Variants in SMAP1 observed in about 807,000 individuals in gnomAD.
SMAP1 encodes the protein small ArfGAP 1, also known as stromal membrane-associated protein 1.
SMAP1 carries 24 observed loss-of-function variants against 58.5 expected under a neutral mutation model. The observed-to-expected ratio is 0.41, with a 90% CI of 0.30 to 0.58. SMAP1 has a LOEUF of 0.58. SMAP1 is among the 20% of genes least tolerant of loss of function. SMAP1 has a pLI of 0.29. For synonymous variants in SMAP1, 216 were observed against 196.6 expected, an observed-to-expected ratio of 1.10 and a Z score of -0.82; for missense variants, 563 against 566.3, an observed-to-expected ratio of 0.99 and a Z score of 0.06.
chr6:70,856,097 T>C (rs1026127385), intron 8 of SMAP1, among the ~76,000 whole-genome samples: 1 of 152,210 alleles, frequency 6.6e-6, no homozygotes, highest in Non-Finnish European at 1.5e-5. Context: ...TCTTTGAAAC[T>C]CTCTTCATAT....
At chr6:70,771,062 C>T (rs865891667) in intron 3 of SMAP1, among the ~76,000 whole-genome samples, 4 of 152,132 alleles carry the variant, frequency 2.6e-5, no homozygotes, top group South Asian at 2.1e-4. Context: ...TACAGGACAG[C>T]GGATTTTCGT....
intron 1 of SMAP1, among the ~76,000 whole-genome samples, chr6:70,691,517 C>G (rs573540107): frequency 1.3e-5 from 2 of 151,758 alleles, no homozygotes; most frequent in Non-Finnish European, 2.9e-5. Flanking sequence ...CTGTAATCAC[C>G]CTGTTGTGTT....
intron 7 of SMAP1, 99 bp downstream of exon 7, chr6:70,837,127 G>A (rs920102994): frequency 8.3e-5 from 65 of 783,082 alleles, no homozygotes; most frequent in Non-Finnish European, 1.1e-4. Context: ...ATGCCAAAAC[G>A]TACCTGTTAA....
chr6:70,787,986 A>G (rs1176888871), intron 4 of SMAP1, among the ~76,000 whole-genome samples: 1 of 152,156 alleles, frequency 6.6e-6, no homozygotes. Flanking sequence ...TGCTACTATA[A>G]AGACACGTGC....
At chr6:70,702,041 T>C (rs1767650496) in intron 1 of SMAP1, among the ~76,000 whole-genome samples, 1 of 152,238 alleles carries the variant, frequency 6.6e-6, no homozygotes, top group South Asian at 2.1e-4. Context: ...TAAGATATTT[T>C]GCTGTTTGTG....
At chr6:70,729,152 G>T (rs1298391450) in intron 1 of SMAP1, among the ~76,000 whole-genome samples, 1 of 151,968 alleles carries the variant, frequency 6.6e-6, no homozygotes, top group African/African-American at 2.4e-5. Context: ...TTAAAAGAAG[G>T]TGTGAGGCTG....
chr6:70,861,768 G>C lies in SMAP1; in HGVS notation c.*1434G>C. 2 of 1,614,054 alleles carry C rather than the reference G, an allele frequency of 1.2e-6. No homozygotes were observed. The highest frequency in any genetic ancestry group is 1.7e-6 in the Non-Finnish European group (2 of 1,179,946). ...CGAGAACCTGAAGGGGAAGGAAATA[G>C]CTTGGGTAGCGCACTCTTCATGGTG... On this transcript the variant is annotated 3_prime_UTR_variant, in exon 11 of 11. Transcript: ENST00000370455.
intron 6 of SMAP1, among the ~76,000 whole-genome samples, chr6:70,812,369 G>T (rs1374456771): frequency 6.6e-6 from 1 of 152,054 alleles, no homozygotes; most frequent in Non-Finnish European, 1.5e-5. Flanking sequence ...ATTCTTATTT[G>T]ATTAGAATTA....
intron 3 of SMAP1, among the ~76,000 whole-genome samples, chr6:70,769,611 C>T (rs990862340): frequency 6.6e-6 from 1 of 152,090 alleles, no homozygotes. Flanking sequence ...CTTGGTAGAT[C>T]TTCCTCCATC....
chr6:70,798,253 C>T (rs193243091), intron 5 of SMAP1, among the ~76,000 whole-genome samples: 1 of 150,932 alleles, frequency 6.6e-6, no homozygotes, highest in African/African-American at 2.4e-5. Flanking sequence ...ATAAAGAAGT[C>T]TGTTCTATCA....
chr6:70,696,928 T>C (rs1767428620), intron 1 of SMAP1, among the ~76,000 whole-genome samples: 2 of 152,238 alleles, frequency 1.3e-5, no homozygotes, highest in African/African-American at 4.8e-5. Context: ...CAGTGTTGGG[T>C]GCATATATAT....
At chr6:70,785,280 A>G (rs1307755900) in intron 4 of SMAP1, among the ~76,000 whole-genome samples, 1 of 152,218 alleles carries the variant, frequency 6.6e-6, no homozygotes, top group Non-Finnish European at 1.5e-5. Flanking sequence ...AACATACCAG[A>G]ATCTCTGGGA....
chr6:70,750,349 G>T (rs1376285846), intron 2 of SMAP1, among the ~76,000 whole-genome samples: 1 of 152,090 alleles, frequency 6.6e-6, no homozygotes, highest in Non-Finnish European at 1.5e-5. Flanking sequence ...AGTTATACGT[G>T]TTATTTTTTG....
chr6:70,858,004 T>C lies in SMAP1; in HGVS notation c.1044T>C (p.Pro348=), dbSNP rs908164996. ...AGGGCTTTCCATCGATGGGCGTGCC[T>C]GTGCCTGCAGCTCCTGGCCTTATAG... ...AFQGFPSMGV[P]VPAAPGLIGN... The change falls in exon 10 of 11, where the codon CCT becomes CCC. Residue 348 remains proline, a synonymous_variant. Coordinates refer to ENST00000370455, the MANE Select transcript of SMAP1 (RefSeq NM_001044305.3). 3 of 1,614,170 alleles carry C rather than the reference T, an allele frequency of 1.9e-6. No homozygotes were observed. The highest frequency in any genetic ancestry group is 2.5e-6 in the Non-Finnish European group (3 of 1,180,014).
Position 70,860,966 on chromosome 6 carries a change from A to ATCTCT in SMAP1, c.*636_*640dup, listed in dbSNP as rs1771696552. The ATCTCT allele has an allele frequency of 8.7e-6, 3 of 345,080 alleles. No individual in the cohort carries two copies. The highest frequency in any genetic ancestry group is 3.1e-4 in the South Asian group (2 of 6,540). 21.4% of individuals were successfully genotyped at this position (345,080 alleles called of 1,614,324 possible). ...TTTATCTGCCTCTCTTGTAATTTGG[A>ATCTCT]TCTCTTCTTAATGTACATAGTGCTA... On this transcript the variant is annotated 3_prime_UTR_variant, in exon 11 of 11. Coordinates refer to ENST00000370455, the MANE Select transcript of SMAP1 (RefSeq NM_001044305.3).
intron 3 of SMAP1, among the ~76,000 whole-genome samples, chr6:70,761,103 T>C (rs1422265701): frequency 1.3e-5 from 2 of 152,050 alleles, no homozygotes; most frequent in Non-Finnish European, 2.9e-5. Context: ...GGAGTAGATA[T>C]TAATTTAGTT....
At chr6:70,839,352 G>A (rs1223095238) in intron 7 of SMAP1, among the ~76,000 whole-genome samples, 1 of 152,204 alleles carries the variant, frequency 6.6e-6, no homozygotes, top group East Asian at 1.9e-4. Flanking sequence ...GGGTTTGGTT[G>A]TGGCAGCACC....
At chr6:70,743,615 C>CA (rs1765902020) in intron 2 of SMAP1, among the ~76,000 whole-genome samples, 1 of 152,002 alleles carries the variant, frequency 6.6e-6, no homozygotes, top group South Asian at 2.1e-4. Context: ...AACCATAGGC[C>CA]AAAAAGCCTT....
At chr6:70,852,870 G>A (rs537506710) in intron 8 of SMAP1, among the ~76,000 whole-genome samples, 1 of 152,280 alleles carries the variant, frequency 6.6e-6, no homozygotes, top group East Asian at 1.9e-4. Context: ...ACTGGTTTAG[G>A]TACTGTATGT....
Sources: gnomAD v4.1 joint callset for allele counts (sites outside exome capture counted in the v4.1 genomes callset) on GRCh38, gnomAD v4.1.1 for gene constraint, MANE v1.5 for transcripts, NCBI Gene and HGNC (gene_info 2026-07-23, HGNC 2026-07-21) for gene names.